Variants in PCM1 observed in about 807,000 individuals in gnomAD.
The protein encoded by PCM1 is pericentriolar material 1 protein.
A neutral mutation model predicts 241.9 loss-of-function variants in PCM1; 157 were observed. The observed-to-expected ratio is 0.65, with a 90% CI of 0.57 to 0.74. PCM1 has a LOEUF of 0.74. Among genes scored for constraint, PCM1 ranks in the 30% least tolerant of loss-of-function variants. PCM1 has a pLI of 0.00. For missense variants in PCM1, 3,478 were observed against 2,360.1 expected, an observed-to-expected ratio of 1.47 and a Z score of -9.81; for synonymous variants, 1,085 against 784.9, an observed-to-expected ratio of 1.38 and a Z score of -6.39.
At chr8:17,980,365 G>C (rs1375934772) in intron 23 of PCM1, 6 of 371,418 alleles carry the variant, frequency 1.6e-5, no homozygotes, top group African/African-American at 1.2e-4. Flanking sequence ...TCATTAAGAT[G>C]AGTATCAAAG....
rs185721477 is a variant in PCM1 at position 18,003,875 on chromosome 8, A to C, written c.4828-2388A>C. Reference sequence around the variant, plus strand: ...CCATTGCCTCAAGTGAATTGGTTTAAATTTTCTTAGTTAATGCTTGCTTTC... The same window carrying C: ...CCATTGCCTCAAGTGAATTGGTTTACATTTTCTTAGTTAATGCTTGCTTTC... On this transcript the variant is annotated intron_variant, in intron 29 of 38. Transcript: ENST00000325083. Among the ~76,000 whole-genome samples the C allele has an allele frequency of 2.9e-3, 435 of 152,224 alleles. 1 individual carries two copies. The highest frequency in any genetic ancestry group is 0.01 in the African/African-American group (422 of 41,544).
chr8:17,939,720 T>C lies in PCM1; in HGVS notation c.642T>C (p.Asp214=). The change falls in exon 6 of 39, where the codon GAT becomes GAC. Residue 214 remains aspartate, a synonymous_variant. Coordinates refer to ENST00000325083, the MANE Select transcript of PCM1 (RefSeq NM_006197.4). The stretch of plus-strand genomic sequence containing the variant: ...TAAGCAGGCTTGTTCAAATTCGCGA[T>C]TATATTACTAAAGCTAGTTCCATGC... The part of the protein sequence containing the change: ...QIVSRLVQIR[D]YITKASSMRE... The C allele has an allele frequency of 6.5e-7, 1 of 1,543,702 alleles. No individual in the cohort carries two copies. Among genetic ancestry groups the C allele is most frequent in the Non-Finnish European group, 8.7e-7 (1 of 1,143,608 alleles).
chr8:18,009,448 C>T (rs920310956), intron 30 of PCM1, 99 bp from the exon 31 acceptor site: 55 of 734,316 alleles, frequency 7.5e-5, no homozygotes, highest in Non-Finnish European at 1.1e-4. Context: ...CCTTAGTAAT[C>T]ATAAACATTA....
At chr8:17,954,444 A>G (rs915256401) in intron 9 of PCM1, among the ~76,000 whole-genome samples, 3 of 150,452 alleles carry the variant, frequency 2.0e-5, no homozygotes, top group South Asian at 2.1e-4. Flanking sequence ...AAAAAAAAAG[A>G]AAAGAAAAAA....
At chr8:18,005,034 GTTGTC>G (rs1051598302) in intron 29 of PCM1, among the ~76,000 whole-genome samples, 3 of 152,088 alleles carry the variant, frequency 2.0e-5, no homozygotes, top group Non-Finnish European at 4.4e-5. Context: ...GTTTGTACAA[GTTGTC>G]TTGTCTATCC....
chr8:17,935,740 G>A, intron 3 of PCM1, 34 bp downstream of exon 3: 1 of 977,648 alleles, frequency 1.0e-6, no homozygotes, highest in Non-Finnish European at 1.7e-6. Flanking sequence ...TGTGTTGTTG[G>A]CTATTAATGT....
At chr8:17,983,279 T>G (rs1342175051) in intron 24 of PCM1, 1 of 1,324,328 alleles carries the variant, frequency 7.6e-7, no homozygotes, top group African/African-American at 1.5e-5. Context: ...ATGCATGCAA[T>G]GAAGCGCCAG....
Position 17,965,990 on chromosome 8 carries a change from T to A in PCM1, c.2856-9T>A. ...GTATGATGACTTAATGCTTTCAATC[T>A]TGTGTTAGGTGGAAGAACAATTGCC... On this transcript the variant is annotated splice_polypyrimidine_tract_variant and intron_variant, in intron 18 of 38. Transcript: ENST00000325083. The A allele has an allele frequency of 6.3e-7, 1 of 1,597,276 alleles. No homozygotes were observed. Among genetic ancestry groups the A allele is most frequent in the South Asian group, 1.1e-5 (1 of 88,812 alleles).
At chr8:17,985,665 T>G (rs2082338862) in intron 25 of PCM1, 46 bp downstream of exon 25, 2 of 1,385,174 alleles carry the variant, frequency 1.4e-6, no homozygotes, top group African/African-American at 1.4e-5. Context: ...TATCACCTTC[T>G]TCATGATTAT....
chr8:17,927,641 C>T (rs2057495839), intron 2 of PCM1: 1 of 152,020 alleles, frequency 6.6e-6, no homozygotes, highest in Non-Finnish European at 1.5e-5. Flanking sequence ...ACCTCTGCCT[C>T]CCAGGTTCAA....
chr8:17,977,472 G>A (rs1427268244), intron 23 of PCM1, among the ~76,000 whole-genome samples: 1 of 152,206 alleles, frequency 6.6e-6, no homozygotes, highest in Non-Finnish European at 1.5e-5. Flanking sequence ...TAGTAGACCT[G>A]TGCGGTGATC....
intron 29 of PCM1, among the ~76,000 whole-genome samples, chr8:17,998,064 C>T (rs2087625467): frequency 6.6e-6 from 1 of 151,784 alleles, no homozygotes. Context: ...TCTGAATTCC[C>T]TTCCTGTGTT....
At chr8:17,931,486 G>C (rs551809773) in intron 2 of PCM1, among the ~76,000 whole-genome samples, 1 of 151,916 alleles carries the variant, frequency 6.6e-6, no homozygotes, top group African/African-American at 2.4e-5. Flanking sequence ...ATAGGATTTC[G>C]TTATGTTGGC....
rs186816594 is a variant in PCM1 at position 17,967,756 on chromosome 8, G to A, written c.3412+586G>A. Among the ~76,000 whole-genome samples the A allele has an allele frequency of 4.6e-4, 70 of 152,304 alleles. 1 individual carries two copies. The highest frequency in any genetic ancestry group is 2.2e-3 in the Admixed American group (33 of 15,302). On this transcript the variant is annotated intron_variant, in intron 21 of 38. Coordinates refer to ENST00000325083, the MANE Select transcript of PCM1 (RefSeq NM_006197.4). The stretch of plus-strand genomic sequence containing the variant: ...ATACTAGGCACTGTGTAAAACGCTG[G>A]GAGAGTAAAGATGAATAAGACAGTG...
intron 36 of PCM1, among the ~76,000 whole-genome samples, chr8:18,023,278 G>A (rs961922829): frequency 4.6e-5 from 7 of 152,164 alleles, no homozygotes; most frequent in African/African-American, 1.7e-4. Context: ...GGGGTTGTTT[G>A]TACATGAAGT....
intron 2 of PCM1, among the ~76,000 whole-genome samples, chr8:17,929,298 A>G (rs1484270106): frequency 6.6e-6 from 1 of 151,998 alleles, no homozygotes; most frequent in Non-Finnish European, 1.5e-5. Flanking sequence ...GTCTTTCTGT[A>G]CCTTATTAGT....
chr8:17,967,100 C>G lies in PCM1; in HGVS notation c.3342C>G (p.Phe1114Leu), dbSNP rs1429832157. The G allele has an allele frequency of 6.2e-7, 1 of 1,607,686 alleles. No individual in the cohort carries two copies. The highest frequency in any genetic ancestry group is 1.1e-5 in the South Asian group (1 of 89,712). ...CTTCTCCCAGTTTATTTTGTCCTTT[C>G]AGCTTTCCAACACAGCCTGTAAATC... ...HPPSPSLFCP[F>L]SFPTQPVNLF... Residue 1114 changes from phenylalanine to leucine, a missense_variant, in exon 21 of 39, where the codon TTC (phenylalanine) becomes TTG (leucine). By Grantham distance (22) the Phe-to-Leu change is conservative. Coordinates refer to ENST00000325083, the MANE Select transcript of PCM1 (RefSeq NM_006197.4).
intron 30 of PCM1, among the ~76,000 whole-genome samples, chr8:18,006,820 A>G (rs2091463975): frequency 6.6e-6 from 1 of 152,210 alleles, no homozygotes; most frequent in African/African-American, 2.4e-5. Flanking sequence ...CGCTTAAATT[A>G]TAGTAAGTCA....
chr8:17,969,290 C>T (rs1251482904), intron 21 of PCM1: 2 of 258,074 alleles, frequency 7.7e-6, no homozygotes, highest in Non-Finnish European at 1.4e-5. Context: ...TGTAAAGTGC[C>T]TGCAGTAGAG....
Sources: gnomAD v4.1 joint callset for allele counts (sites outside exome capture counted in the v4.1 genomes callset) on GRCh38, gnomAD v4.1.1 for gene constraint, MANE v1.5 for transcripts, NCBI Gene and HGNC (gene_info 2026-07-23, HGNC 2026-07-21) for gene names.